RPS6KA1: variants seen among roughly 807,000 people sequenced by gnomAD.
RPS6KA1 encodes the protein ribosomal protein S6 kinase alpha-1.
In RPS6KA1, 48 loss-of-function variants were observed where a neutral mutation model predicts 91.3. The observed-to-expected ratio is 0.53, with a 90% confidence interval of 0.42 to 0.67. The LOEUF is 0.67. Ranked by LOEUF, RPS6KA1 falls within the 30% of genes least tolerant of loss-of-function variation. RPS6KA1 has a pLI of 0.00. For synonymous variants in RPS6KA1, 359 were observed against 384.7 expected, an observed-to-expected ratio of 0.93 and a Z score of 0.78; for missense variants, 719 against 960.5, an observed-to-expected ratio of 0.75 and a Z score of 3.32.
chr1:26,541,998 C>A (rs893692779), intron 2 of RPS6KA1, among the ~76,000 whole-genome samples: 2 of 152,152 alleles, frequency 1.3e-5, no homozygotes, highest in Non-Finnish European at 2.9e-5. Flanking sequence ...TGGTGGCTGT[C>A]CTCCCCCCGC....
At chr1:26,564,410 C>T (rs181872920) in intron 17 of RPS6KA1, among the ~76,000 whole-genome samples, 12 of 152,242 alleles carry the variant, frequency 7.9e-5, no homozygotes, top group African/African-American at 2.4e-4. Flanking sequence ...AGGCGCACAC[C>T]GCCACACCCA....
intron 2 of RPS6KA1, chr1:26,543,255 C>CT: frequency 6.8e-7 from 1 of 1,464,500 alleles, no homozygotes; most frequent in Non-Finnish European, 9.2e-7. Context: ...CCAGCGGTGT[C>CT]TGTCACCATG....
chr1:26,548,442 G>A (rs575566645), intron 4 of RPS6KA1, among the ~76,000 whole-genome samples: 21 of 152,292 alleles, frequency 1.4e-4, no homozygotes, highest in African/African-American at 4.8e-4. Context: ...AAAAATGTTT[G>A]AGGAAGGGGA....
intron 2 of RPS6KA1, among the ~76,000 whole-genome samples, chr1:26,539,480 T>C (rs1002487): frequency 0.053 from 8,126 of 152,298 alleles, 238 homozygotes; most frequent in East Asian, 0.12. Flanking sequence ...ATTTGCCTTG[T>C]AACCTTGGGC....
chr1:26,551,443 T>C lies in RPS6KA1; in HGVS notation c.354T>C (p.Asp118=). The part of the protein sequence containing the change: ...RTKMERDILA[D]VNHPFVVKLH... ...AGATGGAGAGAGACATCCTGGCTGA[T>C]GTAAATCACCCATTCGTGGTGAAGC... Residue 118 remains aspartate, a synonymous_variant, in exon 5 of 22, where the codon GAT becomes GAC. Coordinates refer to ENST00000374168, the MANE Select transcript of RPS6KA1 (RefSeq NM_002953.4). This position sits in a 1 kb window ranked among gnomAD's most constrained non-coding sequence, Gnocchi z 4.5. 1 of 1,614,164 alleles carries C rather than the reference T, an allele frequency of 6.2e-7. No homozygotes were observed. Among genetic ancestry groups the C allele is most frequent in the Non-Finnish European group, 8.5e-7 (1 of 1,180,028 alleles).
Position 26,574,439 on chromosome 1 carries a change from T to TA in RPS6KA1, c.*239dup. ...GCGATTCACTGTATAAACTTTTTTT[T>TA]ATGAAAAAAATGGCATCAACCACCA... On this transcript the variant is annotated 3_prime_UTR_variant, in exon 22 of 22. Coordinates refer to ENST00000374168, the MANE Select transcript of RPS6KA1 (RefSeq NM_002953.4). The surrounding 1 kb of genome is among the most constrained non-coding windows in gnomAD (Gnocchi z 4.3). 2 of 720,006 alleles carry TA rather than the reference T, an allele frequency of 2.8e-6. No individual in the cohort carries two copies. Among genetic ancestry groups the TA allele is most frequent in the Admixed American group, 3.6e-5 (2 of 55,646 alleles). 44.6% of individuals were successfully genotyped at this position (720,006 alleles called of 1,614,324 possible).
rs566347289 is a variant in RPS6KA1, at chr1:26,571,077, G to A, written c.1591-372G>A. Among the ~76,000 whole-genome samples, 8 of 152,016 alleles carry A rather than the reference G, an allele frequency of 5.3e-5. No homozygotes were observed. Among genetic ancestry groups the A allele is most frequent in the Non-Finnish European group, 1.0e-4 (7 of 68,006 alleles). The stretch of plus-strand genomic sequence containing the variant: ...GCGGAGGCTGCAGTGATCTGAGGTC[G>A]TGCCACTGCACTCCAGCCTGGGTGA... On this transcript the variant is annotated intron_variant, in intron 17 of 21. Transcript: ENST00000374168. This position sits in a 1 kb window ranked among gnomAD's most constrained non-coding sequence, Gnocchi z 5.1.
intron 1 of RPS6KA1, among the ~76,000 whole-genome samples, chr1:26,535,718 G>C (rs536163487): frequency 2.2e-4 from 33 of 152,110 alleles, no homozygotes; most frequent in Non-Finnish European, 4.3e-4. Flanking sequence ...GCACCTCCTG[G>C]ATTTGGGACC....
intron 14 of RPS6KA1, among the ~76,000 whole-genome samples, chr1:26,559,323 C>T (rs778505744): frequency 6.6e-6 from 1 of 152,146 alleles, no homozygotes; most frequent in Non-Finnish European, 1.5e-5. Flanking sequence ...CTGTGGAGCT[C>T]ATTGCATGGG....
At position 26,571,684 on chromosome 1, in the gene RPS6KA1, ACATTAGC is replaced by A. The variant is rs1557517428; in HGVS notation, c.1752+76_1752+82del. On this transcript the variant is annotated intron_variant, in intron 18 of 21. Transcript: ENST00000374168. This position sits in a 1 kb window ranked among gnomAD's most constrained non-coding sequence, Gnocchi z 5.1. ...CCTTGTGCCCCCTCCCAGAGGCCCC[ACATTAGC>A]CGGGACTCCAGTCTCTGTGACCTTG... is the stretch of plus-strand genomic sequence containing the variant. The A allele has an allele frequency of 6.4e-7, 1 of 1,552,910 alleles. No homozygotes were observed. Among genetic ancestry groups the A allele is most frequent in the Non-Finnish European group, 8.7e-7 (1 of 1,142,860 alleles).
chr1:26,547,332 C>A lies in RPS6KA1; in HGVS notation c.307+62C>A. On this transcript the variant is annotated intron_variant, in intron 4 of 21. Coordinates refer to ENST00000374168, the MANE Select transcript of RPS6KA1 (RefSeq NM_002953.4). The surrounding 1 kb of genome is among the most constrained non-coding windows in gnomAD (Gnocchi z 4.1). Reference sequence around the variant, plus strand: ...TGGCTGAGGGAGGCAGCCCAGACTTCAAGGGCCTTGGGTCTGGCAAGGGAG... The same window carrying A: ...TGGCTGAGGGAGGCAGCCCAGACTTAAAGGGCCTTGGGTCTGGCAAGGGAG... 7.0e-7 allele frequency: 1 copy of A among 1,419,148 alleles called. No individual in the cohort carries two copies. Among genetic ancestry groups the A allele is most frequent in the Non-Finnish European group, 9.8e-7 (1 of 1,016,804 alleles). The allele number at this position is 1,419,148 out of a possible 1,614,324, so 87.9% of individuals were successfully genotyped here. A position where few individuals can be genotyped will look rare whatever the true frequency, so the allele number is the denominator to read the frequency against.
chr1:26,558,989 G>A lies in RPS6KA1; in HGVS notation c.1215+52G>A, dbSNP rs1419810107. 6.3e-7 allele frequency: 1 copy of A among 1,580,638 alleles called. No individual in the cohort carries two copies. The highest frequency in any genetic ancestry group is 1.1e-5 in the South Asian group (1 of 88,836). On this transcript the variant is annotated intron_variant, in intron 14 of 21. Coordinates refer to ENST00000374168, the MANE Select transcript of RPS6KA1 (RefSeq NM_002953.4). This position sits in a 1 kb window ranked among gnomAD's most constrained non-coding sequence, Gnocchi z 4.0. ...CATTATCCTTTTCTAAAGAATGGCT[G>A]AGTACACAGGCTCTGAGTTGGACAG...
rs188604271 is a variant in RPS6KA1, at chr1:26,532,569, G to A, written c.63+2586G>A. On this transcript the variant is annotated intron_variant, in intron 1 of 21. Coordinates refer to ENST00000374168, the MANE Select transcript of RPS6KA1 (RefSeq NM_002953.4). ...GCAAGGCCCTCGTCCAGTCTTTGCC[G>A]AGGGCTGGCAGTGCCAGCCAGCCCT... 2.1e-3 allele frequency among the ~76,000 whole-genome samples: 321 copies of A among 152,278 alleles called. 1 individual carries two copies. Among genetic ancestry groups the A allele is most frequent in the Non-Finnish European group, 2.5e-3 (167 of 68,012 alleles).
At position 26,561,124 on chromosome 1, in the gene RPS6KA1, C is replaced by A; in HGVS notation, c.1421C>A (p.Thr474Asn). The A allele has an allele frequency of 6.2e-7, 1 of 1,613,318 alleles. No homozygotes were observed. Among genetic ancestry groups the A allele is most frequent in the East Asian group, 2.2e-5 (1 of 44,878 alleles). The change falls in exon 16 of 22, where the codon ACT (threonine) becomes AAT (asparagine). Residue 474 changes from threonine to asparagine, a missense_variant. Thr to Asn is a moderately conservative substitution (Grantham distance 65, BLOSUM62 0). Transcript: ENST00000374168. The surrounding 1 kb of genome is among the most constrained non-coding windows in gnomAD (Gnocchi z 5.7). ...LRYGQHPNII[T>N]LKDVYDDGKH... is the part of the protein sequence containing the mutation. Reference sequence around the variant, plus strand: ...TATGGCCAGCACCCCAACATCATCACTCTGAAAGATGTGAGTGGGGGTCCT... The same window carrying A: ...TATGGCCAGCACCCCAACATCATCAATCTGAAAGATGTGAGTGGGGGTCCT...
chr1:26,530,520 C>T (rs2075860022), intron 1 of RPS6KA1, among the ~76,000 whole-genome samples: 1 of 152,212 alleles, frequency 6.6e-6, no homozygotes, highest in South Asian at 2.1e-4. Context: ...TTTCTTTGCC[C>T]TGAGGCTAGG....
intron 21 of RPS6KA1, among the ~76,000 whole-genome samples, 154 bp from the exon 22 acceptor site, chr1:26,573,925 G>A (rs2076272631): frequency 6.7e-6 from 1 of 149,942 alleles, no homozygotes; most frequent in Admixed American, 6.6e-5. Flanking sequence ...GTGACAGAGT[G>A]AGACTGTATC....
chr1:26,542,128 C>G (rs1570425515), intron 2 of RPS6KA1, among the ~76,000 whole-genome samples: 1 of 152,220 alleles, frequency 6.6e-6, no homozygotes, highest in East Asian at 1.9e-4. Flanking sequence ...GACTAGGCCC[C>G]TTGGTTTATC....
Position 26,554,928 on chromosome 1 carries a change from C to A in RPS6KA1, c.756+190C>A, listed in dbSNP as rs993555146. Among the ~76,000 whole-genome samples, 3 of 152,212 alleles carry A rather than the reference C, an allele frequency of 2.0e-5. No homozygotes were observed. Among genetic ancestry groups the A allele is most frequent in the African/African-American group, 7.2e-5 (3 of 41,450 alleles). ...CCCAGGCTTGACCCCACCTGGGACG[C>A]GCCTAACCCAGTGCTGGCCTTCTCC... On this transcript the variant is annotated intron_variant, in intron 9 of 21. Transcript: ENST00000374168. The surrounding 1 kb of genome is among the most constrained non-coding windows in gnomAD (Gnocchi z 4.6).
In RPS6KA1 at chr1:26,574,823, C is replaced by T. The variant is rs1255496321; in HGVS notation, c.*622C>T. Reference sequence around the variant, plus strand: ...ATCCACCTTGGCTCTGCCAGTGGATCCCCTGCGGTCAGGCTGGGCAGCCCC... The same window carrying T: ...ATCCACCTTGGCTCTGCCAGTGGATTCCCTGCGGTCAGGCTGGGCAGCCCC... On this transcript the variant is annotated 3_prime_UTR_variant, in exon 22 of 22. Coordinates refer to ENST00000374168, the MANE Select transcript of RPS6KA1 (RefSeq NM_002953.4). The surrounding 1 kb of genome is among the most constrained non-coding windows in gnomAD (Gnocchi z 4.3). 1 of 233,820 alleles carries T rather than the reference C, an allele frequency of 4.3e-6. No individual in the cohort carries two copies. Among genetic ancestry groups the T allele is most frequent in the African/African-American group, 2.3e-5 (1 of 43,162 alleles). The allele number at this position is 233,820 out of a possible 1,614,324, so 14.5% of individuals were successfully genotyped here.
Sources: allele counts gnomAD v4.1 joint callset (sites outside exome capture counted in the v4.1 genomes callset), GRCh38; gene constraint gnomAD v4.1.1; non-coding constraint Gnocchi (gnomAD v3.1); transcripts MANE v1.5; gene names NCBI Gene and HGNC (gene_info 2026-07-23, HGNC 2026-07-21).